GATAD2B: variants seen among roughly 807,000 people sequenced by gnomAD.
GATAD2B encodes the protein GATA zinc finger domain containing 2B.
Under a neutral mutation model 64.3 loss-of-function variants are expected in GATAD2B, and 8 were observed. That is an observed-to-expected ratio of 0.12 (90% CI 0.07 to 0.22). GATAD2B has a LOEUF of 0.22. GATAD2B is among the 10% of genes least tolerant of loss of function. The pLI is 1.00. For synonymous variants in GATAD2B, 281 were observed against 271.3 expected, an observed-to-expected ratio of 1.04 and a Z score of -0.35; for missense variants, 453 against 752.0, an observed-to-expected ratio of 0.60 and a Z score of 4.65.
intron 1 of GATAD2B, among the ~76,000 whole-genome samples, chr1:153,835,696 ATAATG>A (rs1675236902): frequency 6.6e-6 from 1 of 152,178 alleles, no homozygotes; most frequent in Non-Finnish European, 1.5e-5. Context: ...AGACTACAGC[ATAATG>A]TAAACATAAC....
intron 2 of GATAD2B, 40 bp from the exon 3 acceptor site, chr1:153,819,775 A>C: frequency 1.9e-6 from 3 of 1,563,256 alleles, no homozygotes; most frequent in Non-Finnish European, 2.6e-6. Flanking sequence ...TTCCAACAAA[A>C]GTTAAGAAAA....
At chr1:153,922,245 G>C (rs1308896431) in intron 1 of GATAD2B, among the ~76,000 whole-genome samples, 1 of 151,322 alleles carries the variant, frequency 6.6e-6, no homozygotes, top group Non-Finnish European at 1.5e-5. Flanking sequence ...TGAGCAGGGA[G>C]CGGCCCCCGC....
At chr1:153,840,493 A>T (rs1675445764) in intron 1 of GATAD2B, among the ~76,000 whole-genome samples, 1 of 151,248 alleles carries the variant, frequency 6.6e-6, no homozygotes, top group Non-Finnish European at 1.5e-5. Context: ...ATGCGCCACC[A>T]CGCCTAGCTA....
intron 1 of GATAD2B, among the ~76,000 whole-genome samples, chr1:153,854,007 C>A (rs1432367008): frequency 6.6e-6 from 1 of 152,108 alleles, no homozygotes; most frequent in African/African-American, 2.4e-5. Context: ...TCTGTGGTCC[C>A]TTCCTTTCTC....
intron 1 of GATAD2B, among the ~76,000 whole-genome samples, chr1:153,917,721 C>G (rs1270035271): frequency 6.6e-6 from 1 of 152,128 alleles, no homozygotes; most frequent in Admixed American, 6.6e-5. Flanking sequence ...TAACTACATG[C>G]CAGGCACTGT....
chr1:153,913,726 G>A (rs1678171284), intron 1 of GATAD2B, among the ~76,000 whole-genome samples: 1 of 151,800 alleles, frequency 6.6e-6, no homozygotes, highest in Non-Finnish European at 1.5e-5. Context: ...AGACCATCCT[G>A]GCTAACACGG....
At chr1:153,839,003 G>A (rs1488198596) in intron 1 of GATAD2B, among the ~76,000 whole-genome samples, 3 of 150,944 alleles carry the variant, frequency 2.0e-5, no homozygotes, top group African/African-American at 7.3e-5. Flanking sequence ...CAGCTACTCA[G>A]GTGGCTGAGG....
intron 2 of GATAD2B, among the ~76,000 whole-genome samples, chr1:153,826,426 C>T (rs538638502): frequency 8.0e-5 from 12 of 150,758 alleles, no homozygotes; most frequent in African/African-American, 2.4e-4. Context: ...GTCAGGAGTT[C>T]GAGACCAGCC....
At chr1:153,818,991 C>A in intron 3 of GATAD2B, 69 bp from the exon 4 acceptor site, 1 of 1,499,498 alleles carries the variant, frequency 6.7e-7, no homozygotes, top group Non-Finnish European at 9.1e-7. Context: ...AAGAGACAAT[C>A]TTTACTTCTT....
In GATAD2B at chr1:153,810,083, A is replaced by C; in HGVS notation, c.*94T>G. 8.2e-7 allele frequency: 1 copy of C among 1,221,510 alleles called. No individual in the cohort carries two copies. The allele number at this position is 1,221,510 out of a possible 1,614,324, so 75.7% of individuals were successfully genotyped here. A position where few individuals can be genotyped will look rare whatever the true frequency, so the allele number is the denominator to read the frequency against. On this transcript the variant is annotated 3_prime_UTR_variant, in exon 11 of 11. Coordinates refer to ENST00000368655, the MANE Select transcript of GATAD2B (RefSeq NM_020699.4). ...GTTTTGCTTTCCGTGTATGGTAGGC[A>C]CCAGTACAGGCACTGCATGCGACAG...
At chr1:153,840,678 T>C (rs1675453748) in intron 1 of GATAD2B, among the ~76,000 whole-genome samples, 2 of 152,222 alleles carry the variant, frequency 1.3e-5, no homozygotes, top group South Asian at 4.1e-4. Context: ...AGTTCTAGTT[T>C]ATCTTTTTAA....
chr1:153,893,983 C>A lies in GATAD2B; in HGVS notation c.-2+28750G>T, dbSNP rs1313061549. ...AAAAAAAAAAAAAAAAAAAAAAAAACCCAAAAAATGTCCCCATACTAACTG... is the reference window on the plus strand; with the variant it reads ...AAAAAAAAAAAAAAAAAAAAAAAAAACCAAAAAATGTCCCCATACTAACTG... On this transcript the variant is annotated intron_variant, in intron 1 of 10. Coordinates refer to ENST00000368655, the MANE Select transcript of GATAD2B (RefSeq NM_020699.4). 1.2e-3 allele frequency among the ~76,000 whole-genome samples: 118 copies of A among 99,652 alleles called. 2 individuals are homozygous for A. Among genetic ancestry groups the A allele is most frequent in the African/African-American group, 3.1e-3 (87 of 27,998 alleles). 65.4% of individuals were successfully genotyped at this position (99,652 alleles called of 152,430 possible). A position where few individuals can be genotyped will look rare whatever the true frequency, so the allele number is the denominator to read the frequency against.
chr1:153,913,734 C>T (rs763736888), intron 1 of GATAD2B, among the ~76,000 whole-genome samples: 7 of 151,438 alleles, frequency 4.6e-5, no homozygotes, highest in Non-Finnish European at 7.4e-5. Context: ...CTGGCTAACA[C>T]GGTAAAACCC....
intron 1 of GATAD2B, among the ~76,000 whole-genome samples, chr1:153,917,257 C>G (rs1488924296): frequency 1.3e-5 from 2 of 150,856 alleles, no homozygotes; most frequent in Non-Finnish European, 2.9e-5. Context: ...GCCACCATGT[C>G]TGGCTAATTT....
chr1:153,822,401 G>A (rs1045861567), intron 2 of GATAD2B, among the ~76,000 whole-genome samples: 1 of 152,150 alleles, frequency 6.6e-6, no homozygotes, highest in Non-Finnish European at 1.5e-5. Context: ...TTTGGGAACT[G>A]TATGCCATTT....
intron 1 of GATAD2B, among the ~76,000 whole-genome samples, chr1:153,849,082 G>C (rs1675794025): frequency 1.3e-5 from 2 of 152,032 alleles, no homozygotes; most frequent in Non-Finnish European, 2.9e-5. Context: ...AACTCCTTGA[G>C]CTCAAATGAT....
In GATAD2B at chr1:153,811,878, C is replaced by T. The variant is rs1674303976; in HGVS notation, c.1531-30G>A. 3 of 1,455,056 alleles carry T rather than the reference C, an allele frequency of 2.1e-6. No individual in the cohort carries two copies. In the Admixed American group the frequency reaches 5.3e-5, roughly 26 times the overall value. 90.1% of individuals were successfully genotyped at this position (1,455,056 alleles called of 1,614,324 possible). A position where few individuals can be genotyped will look rare whatever the true frequency, so the allele number is the denominator to read the frequency against. Reference sequence around the variant, plus strand: ...AATGATGAGGAGACAGTGGATACAACTTTGATATGATAGAATGTTAAGCGG... The same window carrying T: ...AATGATGAGGAGACAGTGGATACAATTTTGATATGATAGAATGTTAAGCGG... On this transcript the variant is annotated intron_variant, in intron 9 of 10. Coordinates refer to ENST00000368655, the MANE Select transcript of GATAD2B (RefSeq NM_020699.4).
chr1:153,913,912 T>A (rs1160702433), intron 1 of GATAD2B, among the ~76,000 whole-genome samples: 1 of 111,536 alleles, frequency 9.0e-6, no homozygotes, highest in Non-Finnish European at 1.8e-5. Context: ...AGAGCAAGAC[T>A]CTGTCAAAAA....
intron 2 of GATAD2B, among the ~76,000 whole-genome samples, chr1:153,824,088 A>G (rs1384185047): frequency 6.6e-6 from 1 of 152,144 alleles, no homozygotes; most frequent in Non-Finnish European, 1.5e-5. Context: ...GTATATCTGG[A>G]GTCCCAAGCT....
Sources: gnomAD v4.1 joint callset for allele counts (sites outside exome capture counted in the v4.1 genomes callset) on GRCh38, gnomAD v4.1.1 for gene constraint, MANE v1.5 for transcripts, NCBI Gene and HGNC (gene_info 2026-07-23, HGNC 2026-07-21) for gene names.